Variants in RGS3 observed in about 807,000 individuals in gnomAD.
RGS3 encodes the protein regulator of G protein signaling 3.
A neutral mutation model predicts 132.6 loss-of-function variants in RGS3; 80 were observed. The ratio of observed to expected loss-of-function variants is 0.60; its 90% CI spans 0.50 to 0.73. The LOEUF (loss-of-function observed/expected upper bound fraction) is 0.73. Ranked by LOEUF, RGS3 falls within the 30% of genes least tolerant of loss-of-function variation. The pLI is 0.00. For synonymous variants in RGS3, 598 were observed against 620.6 expected (o/e 0.96, Z 0.54); for missense variants, 1,382 against 1,530.8 (o/e 0.90, Z 1.62).
At chr9:113,459,167 T>C (rs1829417808), upstream of RGS3, among the ~76,000 whole-genome samples, 1 of 152,244 alleles carries the variant, frequency 6.6e-6, no homozygotes, top group Non-Finnish European at 1.5e-5. Context: ...GCTTTCTACC[T>C]AGCGCTGACA....
chr9:113,465,480 T>TGC (rs1554754595), intron 3 of RGS3, among the ~76,000 whole-genome samples: 32 of 151,006 alleles, frequency 2.1e-4, no homozygotes, highest in African/African-American at 5.1e-4. Context: ...TGTGTGTGTG[T>TGC]GCCTGTGTGT....
At chr9:113,543,057 C>T (rs1832969571) in intron 19 of RGS3, among the ~76,000 whole-genome samples, 3 of 152,226 alleles carry the variant, frequency 2.0e-5, no homozygotes, top group Admixed American at 2.0e-4. Context: ...TCTTATCTAA[C>T]TGCCAGACCT....
intron 17 of RGS3, 68 bp from the exon 16 acceptor site, chr9:113,529,153 T>G: frequency 8.1e-7 from 1 of 1,234,062 alleles, no homozygotes; most frequent in East Asian, 2.3e-5. Flanking sequence ...CAGCTGACTG[T>G]GCTGGAGCAA....
chr9:113,592,089 A>C (rs1267550362), intron 21 of RGS3: 2 of 152,362 alleles, frequency 1.3e-5, no homozygotes, highest in African/African-American at 2.4e-5. Flanking sequence ...AGCACCCACC[A>C]CTAGGCAGGA....
At chr9:113,520,771 T>C (rs928822788) in intron 16 of RGS3, among the ~76,000 whole-genome samples, 1 of 152,064 alleles carries the variant, frequency 6.6e-6, no homozygotes, top group Non-Finnish European at 1.5e-5. Flanking sequence ...ATTCCTTGAC[T>C]CCTTCTGAGC....
At chr9:113,462,082 C>G in exon 3 of RGS3, 1 of 1,614,094 alleles carries the variant, frequency 6.2e-7, no homozygotes, top group Non-Finnish European at 8.5e-7. Context: ...CTGAGCTTGC[C>G]CATATTCCCT....
intron 19 of RGS3, among the ~76,000 whole-genome samples, chr9:113,555,472 A>G (rs964804408): frequency 6.8e-6 from 1 of 146,336 alleles, no homozygotes; most frequent in Non-Finnish European, 1.5e-5. Context: ...GGTTGTGACT[A>G]TTTTTTTTTT....
At chr9:113,546,429 G>T (rs10981818) in intron 19 of RGS3, among the ~76,000 whole-genome samples, 9,466 of 152,188 alleles carry the variant, frequency 0.062, 745 homozygotes, top group East Asian at 0.37. Context: ...TATTTTATTT[G>T]TCTTTGATTC....
intron 19 of RGS3, chr9:113,581,919 C>A: frequency 1.8e-6 from 1 of 563,252 alleles, no homozygotes; most frequent in Non-Finnish European, 2.3e-6. Flanking sequence ...CCTTCCCGAC[C>A]TTGGCCAGAT....
intron 3 of RGS3, among the ~76,000 whole-genome samples, chr9:113,465,463 G>GTGTA (rs1246854119): frequency 3.3e-5 from 5 of 151,460 alleles, no homozygotes; most frequent in African/African-American, 1.2e-4. Context: ...GTGTGTGTGT[G>GTGTA]TGTGTGTGTG....
chr9:113,565,029 G>C lies in RGS3; in HGVS notation c.2038-18421G>C. ...CCCAGCCTGGGAGCCCTCAGGATGT[G>C]TGTGGGGTGGAGCCTGCTAGGGATC... On this transcript the variant is annotated intron_variant, in intron 19 of 24. Transcript: ENST00000350696. The surrounding 1 kb of genome is among the most constrained non-coding windows in gnomAD (Gnocchi z 5.7). 9.0e-7 allele frequency: 1 copy of C among 1,113,504 alleles called. No homozygotes were observed. Among genetic ancestry groups the C allele is most frequent in the Non-Finnish European group, 1.1e-6 (1 of 902,304 alleles). The allele number at this position is 1,113,504 out of a possible 1,614,324, so 69.0% of individuals were successfully genotyped here.
intron 1 of RGS3, among the ~76,000 whole-genome samples, chr9:113,447,323 GTATATGTATATATATATATA>G (rs1588122745): frequency 3.4e-5 from 1 of 29,422 alleles, no homozygotes; most frequent in African/African-American, 8.9e-5. Flanking sequence ...TCTGATGTAT[GTATATGTATATATATATATA>G]TATATATATA....
intron 18 of RGS3, among the ~76,000 whole-genome samples, chr9:113,532,344 G>T (rs1258695747): frequency 6.6e-6 from 1 of 152,052 alleles, no homozygotes; most frequent in African/African-American, 2.4e-5. Context: ...TCCCTGGAGG[G>T]AGCTGGCTTA....
chr9:113,555,977 G>T (rs1243294427), intron 19 of RGS3, among the ~76,000 whole-genome samples: 1 of 152,102 alleles, frequency 6.6e-6, no homozygotes, highest in African/African-American at 2.4e-5. Context: ...TCCAGAAAGG[G>T]TCTGTGGGTG....
At chr9:113,511,361 T>C (rs1367214987) in intron 14 of RGS3, among the ~76,000 whole-genome samples, 1 of 151,878 alleles carries the variant, frequency 6.6e-6, no homozygotes, top group East Asian at 1.9e-4. Flanking sequence ...TGAGTTTGCC[T>C]TCACAGAGCT....
intron 17 of RGS3, among the ~76,000 whole-genome samples, chr9:113,525,339 G>A (rs985895950): frequency 2.0e-5 from 3 of 152,136 alleles, no homozygotes; most frequent in African/African-American, 7.2e-5. Flanking sequence ...AGACAGGCTT[G>A]TGGGCCCAGA....
chr9:113,500,018 C>T (rs921759813), intron 10 of RGS3, among the ~76,000 whole-genome samples: 12 of 152,152 alleles, frequency 7.9e-5, no homozygotes, highest in African/African-American at 2.4e-5. Context: ...CCTCGTGATT[C>T]ATGGAAATTA....
intron 1 of RGS3, among the ~76,000 whole-genome samples, chr9:113,453,065 T>TTA (rs922296509): frequency 7.4e-6 from 1 of 135,108 alleles, no homozygotes; most frequent in Non-Finnish European, 1.5e-5. Flanking sequence ...TAAGTATACA[T>TTA]TATATATATT....
intron 18 of RGS3, among the ~76,000 whole-genome samples, chr9:113,535,482 A>T (rs1832642018): frequency 6.6e-6 from 1 of 152,220 alleles, no homozygotes; most frequent in Non-Finnish European, 1.5e-5. Context: ...ATAAATAGTT[A>T]TTAAACAAAT....
Sources: allele counts gnomAD v4.1 joint callset (sites outside exome capture counted in the v4.1 genomes callset), GRCh38; gene constraint gnomAD v4.1.1; non-coding constraint Gnocchi (gnomAD v3.1); transcripts MANE v1.5; gene names NCBI Gene and HGNC (gene_info 2026-07-23, HGNC 2026-07-21).